SLC4A5: variants seen among roughly 807,000 people sequenced by gnomAD.
SLC4A5 encodes solute carrier family 4 member 5, also known as electrogenic sodium bicarbonate cotransporter 4.
SLC4A5 carries 96 observed loss-of-function variants against 120.4 expected under a neutral mutation model. The ratio of observed to expected loss-of-function variants is 0.80; its 90% CI spans 0.68 to 0.94. The LOEUF (loss-of-function observed/expected upper bound fraction) is 0.94. Among genes scored for constraint, SLC4A5 ranks in the 40% least tolerant of loss-of-function variants. The pLI, the probability that SLC4A5 is intolerant of heterozygous loss-of-function variation, is 0.00. For synonymous variants in SLC4A5, 550 were observed against 571.1 expected (o/e 0.96, Z 0.53); for missense variants, 1,259 against 1,459.5 (o/e 0.86, Z 2.24).
Position 74,255,717 on chromosome 2 carries a change from C to G in SLC4A5, c.1025+58G>C, listed in dbSNP as rs1670942218. ...AACAGTCAACAGCACTGCTTGCTGA[C>G]TGCACTGCTGACTGGCTACCTGAGA... On this transcript the variant is annotated intron_variant, in intron 13 of 30. Coordinates refer to ENST00000394019, the Ensembl canonical transcript of SLC4A5. The surrounding 1 kb of genome is among the most constrained non-coding windows in gnomAD (Gnocchi z 4.0). 8.8e-6 allele frequency: 14 copies of G among 1,598,180 alleles called. No individual in the cohort carries two copies. Among genetic ancestry groups the G allele is most frequent in the Non-Finnish European group, 1.1e-5 (13 of 1,168,256 alleles).
chr2:74,259,784 C>T, intron 11 of SLC4A5, 141 bp from the exon 12 acceptor site: 2 of 737,540 alleles, frequency 2.7e-6, no homozygotes. Context: ...TCCCCTTAAA[C>T]TAGCATCCTC....
chr2:74,263,647 C>A (rs1324238488), intron 10 of SLC4A5, among the ~76,000 whole-genome samples: 1 of 152,194 alleles, frequency 6.6e-6, no homozygotes, highest in African/African-American at 2.4e-5. Flanking sequence ...TTGAGATAAG[C>A]CCAGCCCCTT....
At chr2:74,337,850 G>A (rs952468994) in intron 3 of SLC4A5, among the ~76,000 whole-genome samples, 1 of 152,176 alleles carries the variant, frequency 6.6e-6, no homozygotes, top group Admixed American at 6.5e-5. Context: ...CCCATTTTGA[G>A]CAGTAAATTA....
intron 7 of SLC4A5, among the ~76,000 whole-genome samples, chr2:74,291,507 C>T (rs970992293): frequency 6.6e-6 from 1 of 152,230 alleles, no homozygotes; most frequent in Non-Finnish European, 1.5e-5. Context: ...GCCCCCTAGG[C>T]CCCAACACAG....
At chr2:74,323,366 T>A (rs1394840363) in intron 5 of SLC4A5, among the ~76,000 whole-genome samples, 2 of 152,172 alleles carry the variant, frequency 1.3e-5, no homozygotes. Flanking sequence ...TTTCCAGACA[T>A]GTAAAAAATC....
chr2:74,303,433 T>C (rs1323231695), intron 7 of SLC4A5, among the ~76,000 whole-genome samples: 4 of 152,148 alleles, frequency 2.6e-5, no homozygotes, highest in Non-Finnish European at 5.9e-5. Flanking sequence ...CAGTGAGCTA[T>C]ATATAGTAGA....
chr2:74,217,957 C>G (rs796436832), exon 31 of SLC4A5: 1 of 152,296 alleles, frequency 6.6e-6, no homozygotes, highest in Non-Finnish European at 1.5e-5. Flanking sequence ...GTGCATGCCA[C>G]CACACCCGGC....
chr2:74,238,709 T>C (rs761716612), intron 21 of SLC4A5, among the ~76,000 whole-genome samples: 1 of 152,096 alleles, frequency 6.6e-6, no homozygotes, highest in African/African-American at 2.4e-5. Context: ...TTCTGATGGA[T>C]TGTAGATCTA....
chr2:74,265,342 G>A (rs1671269651), intron 8 of SLC4A5, 78 bp from the exon 9 acceptor site: 1 of 1,530,460 alleles, frequency 6.5e-7, no homozygotes, highest in Non-Finnish European at 8.9e-7. Flanking sequence ...CAAAAGAGGG[G>A]TGTCATGTGG....
chr2:74,341,700 C>T (rs796717743), intron 2 of SLC4A5, among the ~76,000 whole-genome samples: 10 of 152,206 alleles, frequency 6.6e-5, no homozygotes, highest in African/African-American at 2.2e-4. Flanking sequence ...ATTGACTCTT[C>T]CTAAAAAAAG....
At chr2:74,265,050 T>C in intron 9 of SLC4A5, 54 bp downstream of exon 9, 1 of 1,565,330 alleles carries the variant, frequency 6.4e-7, no homozygotes, top group Middle Eastern at 2.1e-4. Context: ...TCAGGGGAGC[T>C]GCCCTGGTTT....
intron 5 of SLC4A5, among the ~76,000 whole-genome samples, chr2:74,315,650 G>A (rs964912845): frequency 1.6e-4 from 24 of 150,182 alleles, no homozygotes; most frequent in East Asian, 5.9e-4. Context: ...ATATATATGC[G>A]CCAGGTGTGA....
At chr2:74,227,613 A>G in intron 26 of SLC4A5, 197 bp downstream of exon 26, 2 of 1,423,630 alleles carry the variant, frequency 1.4e-6, no homozygotes, top group Non-Finnish European at 2.0e-6. Context: ...CAATTATATG[A>G]GGCCTATGAA....
intron 23 of SLC4A5, among the ~76,000 whole-genome samples, chr2:74,232,996 G>T (rs1029714668): frequency 2.0e-5 from 3 of 152,188 alleles, no homozygotes; most frequent in Non-Finnish European, 4.4e-5. Context: ...AGACCTGGAT[G>T]GGGGAGGGGG....
intron 7 of SLC4A5, chr2:74,290,646 A>T: frequency 1.0e-6 from 1 of 980,634 alleles, no homozygotes; most frequent in Non-Finnish European, 1.2e-6. Flanking sequence ...AGAGAGAGAG[A>T]GAGAAGTGAG....
At chr2:74,269,513 G>A (rs1305998521) in intron 8 of SLC4A5, among the ~76,000 whole-genome samples, 17 of 152,138 alleles carry the variant, frequency 1.1e-4, no homozygotes, top group Admixed American at 5.9e-4. Context: ...GATTACAGGC[G>A]TGAGCCACCG....
chr2:74,314,937 G>A lies in SLC4A5; in HGVS notation c.79+8C>T, dbSNP rs1238894710. 2 of 1,612,966 alleles carry A rather than the reference G, an allele frequency of 1.2e-6. No homozygotes were observed. The highest frequency in any genetic ancestry group is 3.3e-5 in the Admixed American group (2 of 59,982). ...GAGATTTGCATCAAGTCCTCAAAGTGACCTCACCTTTCTGATCCGGAAATC... is the reference window on the plus strand; with the variant it reads ...GAGATTTGCATCAAGTCCTCAAAGTAACCTCACCTTTCTGATCCGGAAATC... On this transcript the variant is annotated splice_region_variant and intron_variant, in intron 6 of 30. Coordinates refer to ENST00000394019, the Ensembl canonical transcript of SLC4A5.
At chr2:74,245,108 C>G (rs1670568901) in intron 19 of SLC4A5, among the ~76,000 whole-genome samples, 1 of 152,032 alleles carries the variant, frequency 6.6e-6, no homozygotes, top group African/African-American at 2.4e-5. Context: ...ATCACGAGGT[C>G]AAGAGATCGA....
intron 6 of SLC4A5, among the ~76,000 whole-genome samples, chr2:74,305,254 G>A (rs1298292008): frequency 2.0e-5 from 3 of 152,304 alleles, no homozygotes; most frequent in Middle Eastern, 3.4e-3. Flanking sequence ...CCAGGGTAAT[G>A]GGCAAAGCAC....
Sources: allele counts gnomAD v4.1 joint callset (sites outside exome capture counted in the v4.1 genomes callset), GRCh38; gene constraint gnomAD v4.1.1; non-coding constraint Gnocchi (gnomAD v3.1); transcripts MANE v1.5; gene names NCBI Gene and HGNC (gene_info 2026-07-23, HGNC 2026-07-21).